Variants in CTNNBL1 observed in about 807,000 individuals in gnomAD.
CTNNBL1 encodes the protein catenin beta like 1.
Under a neutral mutation model 72.7 loss-of-function variants are expected in CTNNBL1, and 31 were observed. That is an observed-to-expected ratio of 0.43 (90% CI 0.32 to 0.58). The LOEUF (loss-of-function observed/expected upper bound fraction) is 0.58, where lower values mean the gene tolerates loss of function less well. Ranked by LOEUF, CTNNBL1 falls within the 20% of genes least tolerant of loss-of-function variation. The pLI is 0.08. For synonymous variants in CTNNBL1, 240 were observed against 267.3 expected (o/e 0.90, Z 1.00); for missense variants, 534 against 725.1 (o/e 0.74, Z 3.03).
chr20:37,796,896 G>A (rs2073779664), intron 10 of CTNNBL1, among the ~76,000 whole-genome samples: 1 of 152,130 alleles, frequency 6.6e-6, no homozygotes, highest in Admixed American at 6.5e-5. Flanking sequence ...AAGTGCACAT[G>A]TTACTTACAT....
chr20:37,821,134 A>T (rs6021141), intron 11 of CTNNBL1, among the ~76,000 whole-genome samples: 2 of 152,074 alleles, frequency 1.3e-5, no homozygotes, highest in African/African-American at 4.8e-5. Flanking sequence ...TTTTACCCAC[A>T]TCTCTGTAAG....
chr20:37,851,042 G>A (rs2072392096), intron 13 of CTNNBL1, among the ~76,000 whole-genome samples: 1 of 152,180 alleles, frequency 6.6e-6, no homozygotes, highest in Non-Finnish European at 1.5e-5. Flanking sequence ...GTGCTCCCAA[G>A]GACAGATTAA....
At chr20:37,870,365 G>A (rs79513413) in intron 15 of CTNNBL1, among the ~76,000 whole-genome samples, 6,828 of 151,956 alleles carry the variant, frequency 0.045, 257 homozygotes, top group Non-Finnish European at 0.062. Context: ...AGTTTGTGTC[G>A]GGGGACTGCA....
intron 13 of CTNNBL1, among the ~76,000 whole-genome samples, chr20:37,859,505 C>T (rs2072471317): frequency 6.6e-6 from 1 of 151,964 alleles, no homozygotes; most frequent in Non-Finnish European, 1.5e-5. Flanking sequence ...GGTCAGGGGC[C>T]AACTGTATCT....
Position 37,832,096 on chromosome 20 carries a change from A to G in CTNNBL1, c.1214-8006A>G, listed in dbSNP as rs541598237. Reference sequence around the variant, plus strand: ...TATTTGGCTTTATAGCCAGCGACACACAAGCACTTTATTTTAATTTATTGT... The same window carrying G: ...TATTTGGCTTTATAGCCAGCGACACGCAAGCACTTTATTTTAATTTATTGT... On this transcript the variant is annotated intron_variant, in intron 11 of 15. Transcript: ENST00000361383. Among the ~76,000 whole-genome samples the G allele has an allele frequency of 3.3e-5, 5 of 152,354 alleles. No homozygotes were observed. In the East Asian group the frequency reaches 9.6e-4, roughly 29 times the overall value.
At chr20:37,821,718 GAAGT>G (rs1333874083) in intron 11 of CTNNBL1, among the ~76,000 whole-genome samples, 1 of 152,196 alleles carries the variant, frequency 6.6e-6, no homozygotes, top group Non-Finnish European at 1.5e-5. Flanking sequence ...TTAGATGCCA[GAAGT>G]AACTTAGATC....
At chr20:37,706,894 G>C (rs1231411568) in intron 1 of CTNNBL1, among the ~76,000 whole-genome samples, 2 of 152,226 alleles carry the variant, frequency 1.3e-5, no homozygotes, top group Non-Finnish European at 2.9e-5. Flanking sequence ...ATGGGCTGCA[G>C]AATGGATGCT....
At chr20:37,789,311 A>G (rs1337097047) in intron 10 of CTNNBL1, among the ~76,000 whole-genome samples, 1 of 152,238 alleles carries the variant, frequency 6.6e-6, no homozygotes. Context: ...TCAGTTGGAT[A>G]GTCAACAGTT....
chr20:37,788,940 G>T (rs1217815987), intron 10 of CTNNBL1, among the ~76,000 whole-genome samples: 1 of 152,142 alleles, frequency 6.6e-6, no homozygotes, highest in Admixed American at 6.5e-5. Flanking sequence ...GGATTTCACA[G>T]TGCTTGACAG....
intron 7 of CTNNBL1, among the ~76,000 whole-genome samples, chr20:37,776,208 G>A (rs2073572178): frequency 1.3e-5 from 2 of 152,164 alleles, no homozygotes; most frequent in Admixed American, 1.3e-4. Flanking sequence ...TGCATTTATA[G>A]ATCTTTTAAC....
intron 1 of CTNNBL1, among the ~76,000 whole-genome samples, chr20:37,696,810 C>T (rs928804552): frequency 1.2e-4 from 18 of 151,976 alleles, no homozygotes; most frequent in African/African-American, 3.9e-4. Context: ...ATAACACTTA[C>T]GATATATTGG....
At chr20:37,706,475 G>A (rs1600433257) in intron 1 of CTNNBL1, among the ~76,000 whole-genome samples, 2 of 152,204 alleles carry the variant, frequency 1.3e-5, no homozygotes, top group South Asian at 4.1e-4. Flanking sequence ...TTTATCTCTA[G>A]AAGCCACTTT....
chr20:37,768,628 C>T (rs1005756124), intron 7 of CTNNBL1, among the ~76,000 whole-genome samples: 3 of 152,150 alleles, frequency 2.0e-5, no homozygotes, highest in African/African-American at 7.2e-5. Context: ...TAACCATGGT[C>T]TGAAAACAGG....
At chr20:37,797,900 C>T (rs1244138596) in intron 10 of CTNNBL1, among the ~76,000 whole-genome samples, 1 of 152,204 alleles carries the variant, frequency 6.6e-6, no homozygotes, top group Non-Finnish European at 1.5e-5. Context: ...TTGTTTCCTT[C>T]TGCATGAAAT....
chr20:37,821,925 C>T (rs757850293), intron 11 of CTNNBL1, among the ~76,000 whole-genome samples: 8 of 152,016 alleles, frequency 5.3e-5, no homozygotes, highest in Non-Finnish European at 1.0e-4. Flanking sequence ...CAGTGGAATC[C>T]TCCCACCCCT....
intron 4 of CTNNBL1, among the ~76,000 whole-genome samples, chr20:37,753,743 C>G (rs527670202): frequency 2.0e-5 from 3 of 152,296 alleles, no homozygotes; most frequent in African/African-American, 7.2e-5. Context: ...TTTGACATAC[C>G]TGATCTCATT....
At chr20:37,700,527 G>A (rs1187891293) in intron 1 of CTNNBL1, among the ~76,000 whole-genome samples, 2 of 152,166 alleles carry the variant, frequency 1.3e-5, no homozygotes, top group Admixed American at 1.3e-4. Flanking sequence ...GAGAAGACAG[G>A]AGAATTACAA....
intron 1 of CTNNBL1, among the ~76,000 whole-genome samples, chr20:37,718,059 T>A (rs1449937969): frequency 1.3e-5 from 2 of 151,884 alleles, no homozygotes; most frequent in Non-Finnish European, 2.9e-5. Flanking sequence ...TCCCCACCTT[T>A]CCCCCCTTTC....
At chr20:37,773,766 G>A (rs1022192894) in intron 7 of CTNNBL1, among the ~76,000 whole-genome samples, 2 of 151,936 alleles carry the variant, frequency 1.3e-5, no homozygotes, top group African/African-American at 4.8e-5. Context: ...AAAACATTTG[G>A]TTGTCATCAT....
Sources: allele counts gnomAD v4.1 joint callset (sites outside exome capture counted in the v4.1 genomes callset), GRCh38; gene constraint gnomAD v4.1.1; transcripts MANE v1.5; gene names NCBI Gene and HGNC (gene_info 2026-07-23, HGNC 2026-07-21).